Variants in LYST observed in about 807,000 individuals in gnomAD.
The protein encoded by LYST is lysosomal-trafficking regulator.
A neutral mutation model predicts 413.6 loss-of-function variants in LYST; 192 were observed. The observed-to-expected ratio is 0.46, with a 90% CI of 0.41 to 0.52. The LOEUF is 0.52. Among genes scored for constraint, LYST ranks in the 20% least tolerant of loss-of-function variants. LYST has a pLI of 0.00. For missense variants in LYST, 3,815 were observed against 4,499.9 expected, an observed-to-expected ratio of 0.85 and a Z score of 4.35; for synonymous variants, 1,525 against 1,567.3, an observed-to-expected ratio of 0.97 and a Z score of 0.64.
At chr1:235,810,914 C>A (rs138712263) in intron 4 of LYST, among the ~76,000 whole-genome samples, 2 of 152,120 alleles carry the variant, frequency 1.3e-5, no homozygotes, top group African/African-American at 4.8e-5. Context: ...GAGACTGAGG[C>A]GGGTGGGATC....
intron 4 of LYST, among the ~76,000 whole-genome samples, chr1:235,811,026 T>A (rs902307525): frequency 3.9e-5 from 6 of 152,268 alleles, no homozygotes; most frequent in African/African-American, 1.4e-4. Flanking sequence ...ACGCCTGTAA[T>A]CCCAGCTACT....
chr1:235,872,236 C>T (rs1680956805), intron 1 of LYST, among the ~76,000 whole-genome samples: 1 of 144,172 alleles, frequency 6.9e-6, no homozygotes, highest in Non-Finnish European at 1.5e-5. Context: ...ACGGAGATTG[C>T]AGTGAGCCAA....
intron 30 of LYST, among the ~76,000 whole-genome samples, chr1:235,743,394 T>C (rs1485342970): frequency 6.6e-6 from 1 of 152,150 alleles, no homozygotes; most frequent in Non-Finnish European, 1.5e-5. Flanking sequence ...CTAGTTTAGA[T>C]TTAGAGATTG....
In LYST at chr1:235,731,139, C is replaced by A; in HGVS notation, c.8840G>T (p.Trp2947Leu). ...TGGCCCTTCTGTTGGATCCAACTGC[C>A]ATGAGGTTGGATAGTAGATGGGGTC... Reference protein sequence around the residue: ...WYDPIYYPTSWQLDPTEGPNR... With the variant: ...WYDPIYYPTSLQLDPTEGPNR... Residue 2947 changes from tryptophan (W) to leucine (L), a missense_variant, in exon 35 of 53, where the codon TGG (tryptophan) becomes TTG (leucine). Coordinates refer to ENST00000389793, the MANE Select transcript of LYST (RefSeq NM_000081.4). 3.7e-6 allele frequency: 6 copies of A among 1,613,786 alleles called. No homozygotes were observed. Among genetic ancestry groups the A allele is most frequent in the Non-Finnish European group, 4.2e-6 (5 of 1,179,758 alleles).
chr1:235,677,067 T>C lies in LYST; in HGVS notation c.11038+24A>G, dbSNP rs111633663. On this transcript the variant is annotated intron_variant, in intron 50 of 52. Transcript: ENST00000389793. ...GCTGTTAGAGCACCAGCCAGCCCTGTGCTTTGGGTTGGAGCAAGCTCACCT... is the reference window on the plus strand; with the variant it reads ...GCTGTTAGAGCACCAGCCAGCCCTGCGCTTTGGGTTGGAGCAAGCTCACCT... 5.0e-5 allele frequency: 79 copies of C among 1,567,954 alleles called. No individual in the cohort carries two copies. In the African/African-American group the frequency reaches 9.2e-4, roughly 18 times the overall value.
chr1:235,772,159 A>C (rs1053694977), intron 19 of LYST, among the ~76,000 whole-genome samples: 1 of 152,174 alleles, frequency 6.6e-6, no homozygotes, highest in East Asian at 1.9e-4. Flanking sequence ...TGAGAGGCAG[A>C]GGTTGCAGGG....
At chr1:235,838,596 A>G (rs1397825419) in intron 1 of LYST, among the ~76,000 whole-genome samples, 1 of 152,202 alleles carries the variant, frequency 6.6e-6, no homozygotes, top group East Asian at 1.9e-4. Flanking sequence ...TGGAAGCTAC[A>G]TTTTTTTAAA....
chr1:235,777,249 T>C lies in LYST; in HGVS notation c.5274A>G (p.Pro1758=). ...TCATTTGACCTTTAAGTCTAATCAC[T>C]GGTTCATAGATGGTATACTGAGCAG... is the stretch of plus-strand genomic sequence containing the variant. ...YCPAQYTIYE[P]VIRLKGQMKT... Residue 1758 remains proline (P), a synonymous_variant, in exon 17 of 53, where the codon CCA becomes CCG. Transcript: ENST00000389793. The C allele has an allele frequency of 6.2e-7, 1 of 1,612,652 alleles. No individual in the cohort carries two copies. Among genetic ancestry groups the C allele is most frequent in the Non-Finnish European group, 8.5e-7 (1 of 1,178,722 alleles).
intron 45 of LYST, among the ~76,000 whole-genome samples, chr1:235,698,858 G>A (rs1196784940): frequency 1.3e-4 from 19 of 151,934 alleles, no homozygotes; most frequent in Admixed American, 1.1e-3. Flanking sequence ...GGGCAACAAA[G>A]CAAGACTCTG....
intron 45 of LYST, among the ~76,000 whole-genome samples, chr1:235,700,421 G>C (rs945612862): frequency 2.0e-5 from 3 of 152,166 alleles, no homozygotes; most frequent in Non-Finnish European, 4.4e-5. Flanking sequence ...AGTGGGCAAA[G>C]GATATGAACA....
intron 48 of LYST, 28 bp from the exon 49 acceptor site, chr1:235,677,647 A>G (rs1418421754): frequency 1.3e-6 from 2 of 1,587,738 alleles, no homozygotes; most frequent in Admixed American, 1.7e-5. Flanking sequence ...AGTATGAGAT[A>G]AAAACCACAA....
At chr1:235,819,832 G>T (rs1252558088) in intron 3 of LYST, among the ~76,000 whole-genome samples, 2 of 152,074 alleles carry the variant, frequency 1.3e-5, no homozygotes, top group African/African-American at 2.4e-5. Context: ...AATTTTAGTA[G>T]AGATGGGGTA....
chr1:235,819,363 A>G (rs1674503298), intron 3 of LYST, among the ~76,000 whole-genome samples: 1 of 152,202 alleles, frequency 6.6e-6, no homozygotes, highest in African/African-American at 2.4e-5. Context: ...TAGAAGTGAT[A>G]AAATCCTTTA....
intron 12 of LYST, among the ~76,000 whole-genome samples, chr1:235,789,850 G>A (rs1670814018): frequency 6.6e-6 from 1 of 152,110 alleles, no homozygotes; most frequent in South Asian, 2.1e-4. Context: ...CAAAACCAGT[G>A]TGTACCTAGG....
chr1:235,662,611 T>C lies in LYST; in HGVS notation c.*329A>G, dbSNP rs188696852. ...AATTCTACTGGTCCTTTTGGAATCA[T>C]AGAAAAAGGGGAGACCTTAATATTT... On this transcript the variant is annotated 3_prime_UTR_variant, in exon 53 of 53. Transcript: ENST00000389793. 122 of 350,904 alleles carry C rather than the reference T, an allele frequency of 3.5e-4. 2 individuals are homozygous for C. The highest frequency in any genetic ancestry group is 7.4e-4 in the South Asian group (29 of 39,366). 21.7% of individuals were successfully genotyped at this position (350,904 alleles called of 1,614,324 possible).
chr1:235,786,181 G>C (rs1670391403), intron 14 of LYST, among the ~76,000 whole-genome samples: 1 of 152,016 alleles, frequency 6.6e-6, no homozygotes, highest in African/African-American at 2.4e-5. Context: ...AAATTTCTGG[G>C]TATCTGCATG....
At chr1:235,684,453 T>C (rs567109582) in intron 48 of LYST, among the ~76,000 whole-genome samples, 2 of 152,128 alleles carry the variant, frequency 1.3e-5, no homozygotes, top group Non-Finnish European at 2.9e-5. Flanking sequence ...TAGAATCGAT[T>C]TGTAGGGGAA....
Position 235,806,188 on chromosome 1 carries a change from C to T in LYST, c.2948G>A (p.Arg983Lys), listed in dbSNP as rs1192159700. 6.2e-7 allele frequency: 1 copy of T among 1,613,712 alleles called. No homozygotes were observed. Among genetic ancestry groups the T allele is most frequent in the Admixed American group, 1.7e-5 (1 of 59,974 alleles). Residue 983 changes from arginine to lysine, a missense_variant, in exon 6 of 53, where the codon AGG (arginine) becomes AAG (lysine). Physicochemically the swap from Arg to Lys is conservative, Grantham distance 26. Around this residue, in one of 4 missense-constraint regions of LYST, gnomAD observed 1,648 missense variants for 1,810.3 expected, o/e 0.91. Coordinates refer to ENST00000389793, the MANE Select transcript of LYST (RefSeq NM_000081.4). ...LSSVFQKQFY[R>K]LGGFRVCHKL... ...ATGGCATACTCGGAAACCACCAAGC[C>T]TATAAAACTGTTTCTGGAACACTGA... is the stretch of plus-strand genomic sequence containing the variant.
At chr1:235,764,923 T>TA (rs1191738653) in intron 21 of LYST, among the ~76,000 whole-genome samples, 4 of 151,984 alleles carry the variant, frequency 2.6e-5, no homozygotes, top group Admixed American at 6.6e-5. Context: ...CCCTGGTTCT[T>TA]AAAAAAAACT....
Sources: gnomAD v4.1 joint callset for allele counts (sites outside exome capture counted in the v4.1 genomes callset) on GRCh38, gnomAD v4.1.1 for gene constraint, gnomAD v4.1.1 regional missense constraint, MANE v1.5 for transcripts, NCBI Gene and HGNC (gene_info 2026-07-23, HGNC 2026-07-21) for gene names.